The following TRIM37 variants were observed in gnomAD, a reference collection of about 807,000 sequenced individuals.
TRIM37 encodes E3 ubiquitin-protein ligase TRIM37.
Under a neutral mutation model 129.8 loss-of-function variants are expected in TRIM37, and 80 were observed. That is an observed-to-expected ratio of 0.62 (90% CI 0.51 to 0.74). The LOEUF (loss-of-function observed/expected upper bound fraction) is 0.74, where lower values mean the gene tolerates loss of function less well. TRIM37 is among the 30% of genes least tolerant of loss of function. TRIM37 has a pLI of 0.00. For missense variants in TRIM37, 1,054 were observed against 1,176.5 expected (o/e 0.90, Z 1.52); for synonymous variants, 389 against 387.1 (o/e 1.00, Z -0.06).
chr17:59,028,837 T>G, intron 18 of TRIM37, 114 bp from the exon 19 acceptor site: 2 of 1,050,724 alleles, frequency 1.9e-6, no homozygotes, highest in East Asian at 5.0e-5. Flanking sequence ...CTTTACGTGG[T>G]ATCAACAATA....
At chr17:59,068,375 G>C (rs1377056303) in intron 9 of TRIM37, among the ~76,000 whole-genome samples, 1 of 152,180 alleles carries the variant, frequency 6.6e-6, no homozygotes, top group Non-Finnish European at 1.5e-5. Context: ...TTGCATTTCA[G>C]ACAAATGCCA....
intron 19 of TRIM37, among the ~76,000 whole-genome samples, chr17:59,020,530 T>C (rs1368193237): frequency 1.3e-5 from 2 of 152,110 alleles, no homozygotes; most frequent in African/African-American, 4.8e-5. Flanking sequence ...AATTAGTTTT[T>C]CTTGGAAAAC....
chr17:58,982,851 A>C, exon 25 of TRIM37: 4 of 1,506,316 alleles, frequency 2.7e-6, no homozygotes, highest in Non-Finnish European at 3.6e-6. Context: ...GTCCTCACTC[A>C]TATCTGTCAC....
At chr17:59,037,561 A>C (rs1199375635) in intron 17 of TRIM37, among the ~76,000 whole-genome samples, 9 of 46,160 alleles carry the variant, frequency 1.9e-4, no homozygotes, top group Non-Finnish European at 8.6e-5. Context: ...CTGTCTCAAA[A>C]AAAAAAAAAA....
intron 2 of TRIM37, among the ~76,000 whole-genome samples, chr17:59,097,249 A>G (rs901164645): frequency 1.3e-5 from 2 of 152,170 alleles, no homozygotes; most frequent in Non-Finnish European, 2.9e-5. Flanking sequence ...AGCTTTTACC[A>G]TTTCTATTTG....
At chr17:58,967,803 CTTTTTTTT>C in the TRIM37 span, among the ~76,000 whole-genome samples, 1 of 138,056 alleles carries the variant, frequency 7.2e-6, no homozygotes, top group South Asian at 2.3e-4. Context: ...TTCTTTATTT[CTTTTTTTT>C]TTTTTTTGAA....
At chr17:59,060,767 T>G (rs780293840) in intron 12 of TRIM37, among the ~76,000 whole-genome samples, 2 of 152,132 alleles carry the variant, frequency 1.3e-5, no homozygotes, top group Non-Finnish European at 2.9e-5. Context: ...TTTAAAAAAA[T>G]TGAATATAAA....
At chr17:59,030,535 C>G (rs1391933171) in intron 18 of TRIM37, among the ~76,000 whole-genome samples, 1 of 152,164 alleles carries the variant, frequency 6.6e-6, no homozygotes, top group Non-Finnish European at 1.5e-5. Context: ...TCATTATTGC[C>G]AGCATTTTAT....
intron 18 of TRIM37, 84 bp downstream of exon 18, chr17:59,031,812 A>C: frequency 7.3e-7 from 1 of 1,369,470 alleles, no homozygotes; most frequent in Non-Finnish European, 1.0e-6. Flanking sequence ...TGTTCCACAC[A>C]TAGCTGAAAT....
At chr17:59,046,528 T>C (rs934415720) in intron 16 of TRIM37, among the ~76,000 whole-genome samples, 5 of 150,330 alleles carry the variant, frequency 3.3e-5, no homozygotes, top group African/African-American at 1.2e-4. Context: ...AAAGTATTAG[T>C]CATGAAAAAC....
At chr17:59,050,896 C>T (rs1186240204) in intron 14 of TRIM37, among the ~76,000 whole-genome samples, 2 of 152,052 alleles carry the variant, frequency 1.3e-5, no homozygotes, top group African/African-American at 2.4e-5. Context: ...AGGAGAATGG[C>T]GTGAACCCAG....
chr17:59,031,747 G>T, intron 18 of TRIM37, 149 bp downstream of exon 18: 2 of 798,862 alleles, frequency 2.5e-6, no homozygotes, highest in Non-Finnish European at 3.9e-6. Flanking sequence ...AAACTAATTT[G>T]GTTGACATAA....
At chr17:58,982,802 G>T in exon 25 of TRIM37, 1 of 1,042,180 alleles carries the variant, frequency 9.6e-7, no homozygotes, top group Non-Finnish European at 1.4e-6. Flanking sequence ...CTATAGTGCC[G>T]GAACCTTTTC....
the TRIM37 span, chr17:58,969,607 C>T: frequency 6.2e-7 from 1 of 1,614,096 alleles, no homozygotes; most frequent in Non-Finnish European, 8.5e-7. Flanking sequence ...CTATTTATGC[C>T]TCCATTCACC....
rs528581120 is a variant in TRIM37, at chr17:59,073,483, G to A, written c.684+2164C>T. On this transcript the variant is annotated intron_variant, in intron 8 of 23. Coordinates refer to ENST00000262294, the MANE Select transcript of TRIM37 (RefSeq NM_015294.6). ...TAAGTTTTGTATTTTTAGTAGAGACGGGGTTTCACCATGTTGCCCAGGCTG... is the reference window on the plus strand; with the variant it reads ...TAAGTTTTGTATTTTTAGTAGAGACAGGGTTTCACCATGTTGCCCAGGCTG... Among the ~76,000 whole-genome samples the A allele has an allele frequency of 7.2e-5, 11 of 152,034 alleles. No homozygotes were observed. The East Asian group carries it at 1.7e-3, about 24-fold the overall frequency.
chr17:59,106,380 GAAT>G, intron 1 of TRIM37, 58 bp downstream of exon 1: 1 of 1,609,076 alleles, frequency 6.2e-7, no homozygotes, highest in Non-Finnish European at 8.5e-7. Context: ...ACGACTCCCC[GAAT>G]AAAAACCGCT....
intron 9 of TRIM37, among the ~76,000 whole-genome samples, chr17:59,070,343 G>A: frequency 6.6e-6 from 1 of 152,250 alleles, no homozygotes; most frequent in Non-Finnish European, 1.5e-5. Context: ...ATCAGTTTCT[G>A]AGTTTTGTGT....
At position 59,001,625 on chromosome 17, in the gene TRIM37, T is replaced by C. The variant is rs2033784441; in HGVS notation, c.2785A>G (p.Met929Val). 1.9e-6 allele frequency: 3 copies of C among 1,614,038 alleles called. No homozygotes were observed. Among genetic ancestry groups the C allele is most frequent in the East Asian group, 4.5e-5 (2 of 44,872 alleles). Reference protein sequence around the residue: ...TSVGGFHDSFMVMTQPPDEDT... With the variant: ...TSVGGFHDSFVVMTQPPDEDT... Reference sequence around the variant, plus strand: ...TCATCCGGGGGCTGTGTCATGACCATGAAGGAGTCGTGAAACCCGCCCACA... The same window carrying C: ...TCATCCGGGGGCTGTGTCATGACCACGAAGGAGTCGTGAAACCCGCCCACA... The change falls in exon 23 of 24, where the codon ATG becomes GTG. Residue 929 changes from methionine (M) to valine (V), a missense_variant. Transcript: ENST00000262294.
At chr17:58,992,825 C>G (rs2032587584) in intron 24 of TRIM37, among the ~76,000 whole-genome samples, 1 of 152,208 alleles carries the variant, frequency 6.6e-6, no homozygotes. Flanking sequence ...GATCCTGAGT[C>G]ATCTCATTAG....
Sources: allele counts gnomAD v4.1 joint callset (sites outside exome capture counted in the v4.1 genomes callset), GRCh38; gene constraint gnomAD v4.1.1; transcripts MANE v1.5; gene names NCBI Gene and HGNC (gene_info 2026-07-23, HGNC 2026-07-21).